The following ZFYVE1 variants were observed in gnomAD, a reference collection of about 807,000 sequenced individuals.
The protein encoded by ZFYVE1 is zinc finger FYVE domain-containing protein 1.
ZFYVE1 carries 30 observed loss-of-function variants against 74.4 expected under a neutral mutation model. That is an observed-to-expected ratio of 0.40 (90% confidence interval 0.30 to 0.55). The LOEUF (loss-of-function observed/expected upper bound fraction) is 0.55, where lower values mean the gene tolerates loss of function less well. Ranked by LOEUF, ZFYVE1 falls within the 20% of genes least tolerant of loss-of-function variation. The probability of loss-of-function intolerance (pLI) is 0.42; values close to 1 mark genes in which losing one functional copy is unlikely to be tolerated. For missense variants in ZFYVE1, 703 were observed against 1,011.6 expected, an observed-to-expected ratio of 0.69 and a Z score of 4.14; for synonymous variants, 335 against 385.1, an observed-to-expected ratio of 0.87 and a Z score of 1.52.
At chr14:73,015,132 G>A (rs1404846310) in intron 2 of ZFYVE1, among the ~76,000 whole-genome samples, 1 of 150,754 alleles carries the variant, frequency 6.6e-6, no homozygotes, top group Non-Finnish European at 1.5e-5. Flanking sequence ...TCAGGAGGCT[G>A]AGGCAGGAGA....
intron 2 of ZFYVE1, among the ~76,000 whole-genome samples, chr14:73,021,075 T>C (rs61986552): frequency 0.057 from 8,676 of 152,082 alleles, 332 homozygotes; most frequent in Non-Finnish European, 0.089. Context: ...CTGGGCACAG[T>C]CACTCACGCC....
At chr14:72,988,801 T>C (rs1893542955) in intron 4 of ZFYVE1, among the ~76,000 whole-genome samples, 1 of 132,864 alleles carries the variant, frequency 7.5e-6, no homozygotes, top group Admixed American at 7.7e-5. Flanking sequence ...AGCAAGACTC[T>C]GTCTCAAAAA....
intron 2 of ZFYVE1, among the ~76,000 whole-genome samples, chr14:72,999,584 A>G (rs1893825744): frequency 1.3e-5 from 2 of 152,060 alleles, no homozygotes; most frequent in South Asian, 4.1e-4. Context: ...AAAAAAAAAA[A>G]GACAATGAAA....
intron 11 of ZFYVE1, 149 bp from the exon 12 acceptor site, chr14:72,971,263 C>T (rs1893027700): frequency 1.3e-6 from 1 of 749,518 alleles, no homozygotes; most frequent in Non-Finnish European, 2.1e-6. Flanking sequence ...GAAGCCCAGG[C>T]TCTGCCACTC....
chr14:73,025,174 T>G (rs1278631382), intron 1 of ZFYVE1, among the ~76,000 whole-genome samples: 2 of 151,626 alleles, frequency 1.3e-5, no homozygotes, highest in Non-Finnish European at 2.9e-5. Flanking sequence ...GTTCAAGCGA[T>G]TCTCCTGCCT....
intron 5 of ZFYVE1, 194 bp from the exon 6 acceptor site, chr14:72,979,163 C>T: frequency 1.8e-6 from 1 of 555,668 alleles, no homozygotes; most frequent in East Asian, 3.2e-5. Flanking sequence ...AACAGCACTA[C>T]AGAGGCACAG....
chr14:72,973,776 C>T (rs1893095434), intron 11 of ZFYVE1, among the ~76,000 whole-genome samples: 1 of 152,200 alleles, frequency 6.6e-6, no homozygotes, highest in African/African-American at 2.4e-5. Flanking sequence ...CCACTTGGAG[C>T]TGAATAATTA....
At position 72,983,990 on chromosome 14, in the gene ZFYVE1, G is replaced by A. The variant is rs145288951; in HGVS notation, c.1204-2095C>T. ...CAAACTCAAGTCCCTACAAAGGCACGTAATATCAATGTTGAGTCAGGTCAG... is the reference window on the plus strand; with the variant it reads ...CAAACTCAAGTCCCTACAAAGGCACATAATATCAATGTTGAGTCAGGTCAG... On this transcript the variant is annotated intron_variant, in intron 4 of 11. Transcript: ENST00000556143. Among the ~76,000 whole-genome samples the A allele has an allele frequency of 1.7e-3, 252 of 152,252 alleles. 2 individuals carry two copies. Among genetic ancestry groups the A allele is most frequent in the Admixed American group, 5.3e-3 (81 of 15,296 alleles).
At chr14:72,992,850 C>T (rs186939292) in intron 4 of ZFYVE1, among the ~76,000 whole-genome samples, 1 of 152,154 alleles carries the variant, frequency 6.6e-6, no homozygotes, top group Non-Finnish European at 1.5e-5. Flanking sequence ...TGAGACTCAA[C>T]ATGACACCAA....
chr14:72,975,776 A>C lies in ZFYVE1; in HGVS notation c.1636-55T>G. 6.3e-7 allele frequency: 1 copy of C among 1,588,074 alleles called. No homozygotes were observed. Among genetic ancestry groups the C allele is most frequent in the South Asian group, 1.2e-5 (1 of 86,242 alleles). ...CTCTGAGAAGGGAGTGAAAGGAAGGAGGAAGAGGGATGTTTGGTGAGTTGC... is the reference window on the plus strand; with the variant it reads ...CTCTGAGAAGGGAGTGAAAGGAAGGCGGAAGAGGGATGTTTGGTGAGTTGC... On this transcript the variant is annotated intron_variant, in intron 8 of 11. Transcript: ENST00000556143. The surrounding 1 kb of genome is among the most constrained non-coding windows in gnomAD (Gnocchi z 4.1).
rs760989125 is a variant in ZFYVE1 at position 72,978,939 on chromosome 14, C to G, written c.1341G>C (p.Gly447=). 5.6e-6 allele frequency: 9 copies of G among 1,613,862 alleles called. No individual in the cohort carries two copies. The Admixed American group carries it at 1.2e-4, about 21-fold the overall frequency. Residue 447 remains glycine (G), a synonymous_variant, in exon 6 of 12, where the codon GGG becomes GGC. Coordinates refer to ENST00000556143, the MANE Select transcript of ZFYVE1 (RefSeq NM_021260.4). The part of the protein sequence containing the change: ...GVGCKKSMNH[G]KEGVPHEAKS... ...TGGCTTCATGAGGCACTCCTTCCTT[C>G]CCATGATTCATGCTTTTCTTACATC...
chr14:73,016,511 C>CAAAT (rs112168425), intron 2 of ZFYVE1, among the ~76,000 whole-genome samples: 4,349 of 150,806 alleles, frequency 0.029, 188 homozygotes, highest in African/African-American at 0.098. Flanking sequence ...GATTCCGTCT[C>CAAAT]AAATAAATAA....
chr14:72,994,755 C>T (rs1419021955), intron 3 of ZFYVE1, among the ~76,000 whole-genome samples: 2 of 152,202 alleles, frequency 1.3e-5, no homozygotes, highest in African/African-American at 4.8e-5. Context: ...ATGCAACTTG[C>T]TCTTTTCTCA....
chr14:73,019,301 C>T (rs1894265777), intron 2 of ZFYVE1, among the ~76,000 whole-genome samples: 1 of 152,074 alleles, frequency 6.6e-6, no homozygotes, highest in African/African-American at 2.4e-5. Context: ...TATCTATGGG[C>T]CGGGCACAGT....
chr14:73,004,226 C>T (rs1420552293), intron 2 of ZFYVE1, among the ~76,000 whole-genome samples: 1 of 152,110 alleles, frequency 6.6e-6, no homozygotes, highest in Non-Finnish European at 1.5e-5. Context: ...GTCAGGTGAG[C>T]TCAGGGTGGC....
intron 3 of ZFYVE1, among the ~76,000 whole-genome samples, chr14:72,996,289 A>G (rs1893746689): frequency 6.6e-6 from 1 of 152,228 alleles, no homozygotes; most frequent in Non-Finnish European, 1.5e-5. Context: ...TGAAGTGTAA[A>G]TTAAGCTTTT....
chr14:73,001,283 T>C (rs1893868179), intron 2 of ZFYVE1, among the ~76,000 whole-genome samples: 1 of 152,238 alleles, frequency 6.6e-6, no homozygotes, highest in South Asian at 2.1e-4. Flanking sequence ...TGAAAGATTC[T>C]ATTGGAAATT....
At chr14:72,977,880 T>C in intron 8 of ZFYVE1, 47 bp downstream of exon 8, 1 of 1,589,846 alleles carries the variant, frequency 6.3e-7, no homozygotes, top group Non-Finnish European at 8.6e-7. Flanking sequence ...CATGAAAAAC[T>C]GAACGACACA....
At chr14:72,982,766 C>T (rs1893369169) in intron 4 of ZFYVE1, among the ~76,000 whole-genome samples, 1 of 152,158 alleles carries the variant, frequency 6.6e-6, no homozygotes, top group Admixed American at 6.6e-5. Flanking sequence ...ATGTTACTTC[C>T]TTCCATAAAC....
Sources: allele counts gnomAD v4.1 joint callset (sites outside exome capture counted in the v4.1 genomes callset), GRCh38; gene constraint gnomAD v4.1.1; non-coding constraint Gnocchi (gnomAD v3.1); transcripts MANE v1.5; gene names NCBI Gene and HGNC (gene_info 2026-07-23, HGNC 2026-07-21).